S100Z: variants seen among roughly 807,000 people sequenced by gnomAD.
S100Z encodes the protein protein S100-Z.
A neutral mutation model predicts 8.5 loss-of-function variants in S100Z; 11 were observed. That is an observed-to-expected ratio of 1.30 (90% CI 0.82 to 2.15). S100Z has a LOEUF of 2.15. S100Z is among the 30% of genes most tolerant of loss of function. The pLI is 0.00. For synonymous variants in S100Z, 34 were observed against 43.8 expected (o/e 0.78, Z 0.89); for missense variants, 126 against 117.9 (o/e 1.07, Z -0.32).
chr5:76,927,377 T>C, the S100Z span, among the ~76,000 whole-genome samples: 1 of 152,198 alleles, frequency 6.6e-6, no homozygotes. Flanking sequence ...AGATGCCAAG[T>C]TGTGCTCTCC....
intron 3 of S100Z, 51 bp downstream of exon 3, chr5:76,875,551 C>A: frequency 6.6e-7 from 1 of 1,522,286 alleles, no homozygotes. Flanking sequence ...AGATGAGGTG[C>A]AGATTCCAGG....
intron 4 of S100Z, among the ~76,000 whole-genome samples, chr5:76,916,405 C>T (rs2657044): frequency 0.012 from 1,861 of 151,894 alleles, 57 homozygotes; most frequent in East Asian, 0.11. Context: ...TCAGCAAGGA[C>T]ATAGAAGAAA....
chr5:76,915,604 T>C (rs1467292915), intron 4 of S100Z, among the ~76,000 whole-genome samples: 1 of 151,506 alleles, frequency 6.6e-6, no homozygotes, highest in Non-Finnish European at 1.5e-5. Flanking sequence ...CGAGACTCCG[T>C]CTCAAAGAAA....
At chr5:76,905,896 C>T (rs77563826) in intron 4 of S100Z, among the ~76,000 whole-genome samples, 2,162 of 151,930 alleles carry the variant, frequency 0.014, 60 homozygotes, top group East Asian at 0.11. Context: ...GTGGTATGAT[C>T]GTGGTCACTG....
chr5:76,863,758 TC>T (rs1751156881), intron 1 of S100Z, among the ~76,000 whole-genome samples: 2 of 152,074 alleles, frequency 1.3e-5, no homozygotes, highest in Admixed American at 6.6e-5. Flanking sequence ...CAGGATGGTC[TC>T]GATCTCCTGA....
At chr5:76,943,676 C>T in the S100Z span, among the ~76,000 whole-genome samples, 1 of 152,114 alleles carries the variant, frequency 6.6e-6, no homozygotes, top group Non-Finnish European at 1.5e-5. Flanking sequence ...GTAAACAGTC[C>T]TTTTATTCAA....
chr5:76,935,506 G>A, the S100Z span, among the ~76,000 whole-genome samples: 1 of 152,102 alleles, frequency 6.6e-6, no homozygotes, highest in Non-Finnish European at 1.5e-5. Flanking sequence ...GCTCAGTCTG[G>A]CCTCATGTTT....
intron 1 of S100Z, among the ~76,000 whole-genome samples, chr5:76,867,584 C>CTTTTTTTTTTTTTTTTTTTTTTTTTTTT (rs57865301): frequency 6.9e-6 from 1 of 144,368 alleles, no homozygotes. Context: ...ATCATCCTTA[C>CTTTTTTTTTTTTTTTTTTTTTTTTTTTT]TTTTTTTTTT....
At chr5:76,865,582 T>TA (rs200483334) in intron 1 of S100Z, among the ~76,000 whole-genome samples, 58 of 146,640 alleles carry the variant, frequency 4.0e-4, no homozygotes, top group African/African-American at 1.3e-3. Context: ...TTTACAAAGT[T>TA]AAAAAAAAAA....
intron 1 of S100Z, among the ~76,000 whole-genome samples, chr5:76,858,277 C>CG (rs1750941106): frequency 6.6e-6 from 1 of 152,172 alleles, no homozygotes; most frequent in South Asian, 2.1e-4. Flanking sequence ...AATCCCAGCA[C>CG]TTTGGGAGGC....
At chr5:76,871,520 C>CTT (rs565094996) in intron 2 of S100Z, among the ~76,000 whole-genome samples, 14 of 125,092 alleles carry the variant, frequency 1.1e-4, no homozygotes, top group East Asian at 4.8e-4. Context: ...ATCAGAAACT[C>CTT]TTTTTTTTTT....
intron 2 of S100Z, among the ~76,000 whole-genome samples, chr5:76,873,564 C>T (rs1306226499): frequency 6.6e-6 from 1 of 152,076 alleles, no homozygotes; most frequent in African/African-American, 2.4e-5. Flanking sequence ...TCCCAACGTG[C>T]TGGGATTACA....
chr5:76,910,797 T>A (rs918214645), intron 4 of S100Z, among the ~76,000 whole-genome samples: 1 of 152,184 alleles, frequency 6.6e-6, no homozygotes, highest in African/African-American at 2.4e-5. Context: ...GGCGCGGCCT[T>A]CTCAGTGTTA....
intron 4 of S100Z, among the ~76,000 whole-genome samples, chr5:76,903,414 G>A (rs1744304741): frequency 6.6e-6 from 1 of 151,998 alleles, no homozygotes; most frequent in African/African-American, 2.4e-5. Context: ...TTATTGCTGT[G>A]TAGTCTTTCA....
At position 76,865,582 on chromosome 5, in the gene S100Z, TA is replaced by T. The variant is rs200483334; in HGVS notation, c.-175-4574del. On this transcript the variant is annotated intron_variant, in intron 1 of 4. Transcript: ENST00000317593. ...TTTTTAATGAAAAAGTTTACAAAGT[TA>T]AAAAAAAAATTAAAAATAGAAAAAA... is the stretch of plus-strand genomic sequence containing the variant. 3.3e-3 allele frequency among the ~76,000 whole-genome samples: 488 copies of T among 146,630 alleles called. 9 individuals carry two copies. The highest frequency in any genetic ancestry group is 0.027 in the South Asian group (122 of 4,572).
chr5:76,850,625 A>G (rs926341192), intron 1 of S100Z, among the ~76,000 whole-genome samples: 1 of 151,790 alleles, frequency 6.6e-6, no homozygotes, highest in Non-Finnish European at 1.5e-5. Flanking sequence ...GTGTAAGCCC[A>G]CTCCCAGGAA....
intron 3 of S100Z, among the ~76,000 whole-genome samples, chr5:76,875,909 C>CT: frequency 6.6e-6 from 1 of 152,092 alleles, no homozygotes; most frequent in Admixed American, 6.6e-5. Context: ...TGGGGTACTT[C>CT]ATGCTATGGT....
chr5:76,916,955 A>T (rs1211486260), intron 4 of S100Z, among the ~76,000 whole-genome samples: 1 of 151,808 alleles, frequency 6.6e-6, no homozygotes, highest in Non-Finnish European at 1.5e-5. Flanking sequence ...GTTAAACCCC[A>T]TCTCTACTAA....
intron 4 of S100Z, among the ~76,000 whole-genome samples, chr5:76,885,268 G>A (rs568872775): frequency 1.3e-5 from 2 of 152,310 alleles, no homozygotes; most frequent in South Asian, 4.1e-4. Flanking sequence ...GAAGGGTAGA[G>A]ACATGGAGAG....
Sources: gnomAD v4.1 joint callset for allele counts (sites outside exome capture counted in the v4.1 genomes callset) on GRCh38, gnomAD v4.1.1 for gene constraint, MANE v1.5 for transcripts, NCBI Gene and HGNC (gene_info 2026-07-23, HGNC 2026-07-21) for gene names.